Variants in FRMPD1 observed in about 807,000 individuals in gnomAD.
The protein encoded by FRMPD1 is FERM and PDZ domain containing 1.
A neutral mutation model predicts 117.8 loss-of-function variants in FRMPD1; 76 were observed. That is an observed-to-expected ratio of 0.65 (90% CI 0.54 to 0.78). FRMPD1 has a LOEUF of 0.78. Among genes scored for constraint, FRMPD1 ranks in the 30% least tolerant of loss-of-function variants. The pLI, the probability that FRMPD1 is intolerant of heterozygous loss-of-function variation, is 0.00. For missense variants in FRMPD1, 1,786 were observed against 1,964.5 expected (o/e 0.91, Z 1.72); for synonymous variants, 783 against 770.4 (o/e 1.02, Z -0.27).
intron 6 of FRMPD1, among the ~76,000 whole-genome samples, chr9:37,721,746 A>G (rs183390088): frequency 1.1e-3 from 160 of 152,324 alleles, no homozygotes; most frequent in Non-Finnish European, 1.5e-3. Context: ...AACATGCTCA[A>G]TTGTCTAGGG....
intron 1 of FRMPD1, among the ~76,000 whole-genome samples, chr9:37,660,827 G>A (rs1316473437): frequency 2.6e-5 from 4 of 152,154 alleles, no homozygotes; most frequent in African/African-American, 9.7e-5. Context: ...GAGCCTTGCT[G>A]CTCATTCAGT....
At chr9:37,706,035 C>T (rs1433535568) in intron 2 of FRMPD1, among the ~76,000 whole-genome samples, 2 of 151,704 alleles carry the variant, frequency 1.3e-5, no homozygotes, top group Admixed American at 6.6e-5. Flanking sequence ...GAGCTATGGG[C>T]TTTATTTAGT....
At chr9:37,674,685 G>T (rs1258661501) in intron 1 of FRMPD1, among the ~76,000 whole-genome samples, 6 of 152,194 alleles carry the variant, frequency 3.9e-5, no homozygotes, top group Non-Finnish European at 7.3e-5. Context: ...GGAGGCGAAA[G>T]GCACTTCTTA....
the FRMPD1 span, among the ~76,000 whole-genome samples, chr9:37,607,262 G>T: frequency 3.9e-5 from 6 of 152,108 alleles, no homozygotes; most frequent in African/African-American, 1.4e-4. Context: ...GTTGCAGGGA[G>T]CCAGGATCAC....
intron 8 of FRMPD1, 82 bp downstream of exon 8, chr9:37,729,935 C>T: frequency 7.1e-7 from 1 of 1,411,460 alleles, no homozygotes; most frequent in Non-Finnish European, 9.7e-7. Flanking sequence ...GGGGACAGGG[C>T]TCAGCACATC....
chr9:37,616,306 G>T, the FRMPD1 span, among the ~76,000 whole-genome samples: 11 of 151,222 alleles, frequency 7.3e-5, no homozygotes, highest in South Asian at 2.3e-3. Flanking sequence ...TAGTAAAGAC[G>T]GGGTTTCACC....
At chr9:37,733,893 T>A in intron 12 of FRMPD1, 68 bp downstream of exon 12, 1 of 907,786 alleles carries the variant, frequency 1.1e-6, no homozygotes, top group Non-Finnish European at 1.8e-6. Flanking sequence ...AAAATCAATG[T>A]GTCTTTTAGC....
At chr9:37,620,733 A>G in the FRMPD1 span, among the ~76,000 whole-genome samples, 22 of 152,202 alleles carry the variant, frequency 1.4e-4, no homozygotes, top group Non-Finnish European at 3.2e-4. Context: ...TTTTTAAGCA[A>G]TAATGAAATA....
chr9:37,687,545 C>G (rs901280777), intron 1 of FRMPD1, among the ~76,000 whole-genome samples: 26 of 152,176 alleles, frequency 1.7e-4, no homozygotes, highest in African/African-American at 6.3e-4. Flanking sequence ...AAACAATATC[C>G]CATGGCTTTT....
the FRMPD1 span, among the ~76,000 whole-genome samples, chr9:37,629,001 C>T: frequency 6.6e-6 from 1 of 152,320 alleles, no homozygotes; most frequent in South Asian, 2.1e-4. Flanking sequence ...GAGTTCAAGA[C>T]CAGCCTGGCC....
chr9:37,660,077 C>A (rs1425342848), intron 1 of FRMPD1, among the ~76,000 whole-genome samples: 6 of 151,984 alleles, frequency 3.9e-5, no homozygotes, highest in Admixed American at 2.0e-4. Flanking sequence ...CCCAGGATTC[C>A]TGTCCGACGG....
chr9:37,681,613 A>C (rs1821733551), intron 1 of FRMPD1, among the ~76,000 whole-genome samples: 1 of 152,240 alleles, frequency 6.6e-6, no homozygotes, highest in African/African-American at 2.4e-5. Flanking sequence ...TGGAAATGTA[A>C]TGTGAACTTC....
intron 1 of FRMPD1, among the ~76,000 whole-genome samples, chr9:37,674,221 C>T (rs145437006): frequency 4.6e-5 from 7 of 152,324 alleles, no homozygotes; most frequent in African/African-American, 1.7e-4. Flanking sequence ...TAGATCATCC[C>T]TCTCAAGTTC....
chr9:37,744,501 C>A lies in FRMPD1; in HGVS notation c.2469C>A (p.Ser823Arg), dbSNP rs141303232. The A allele has an allele frequency of 9.6e-5, 155 of 1,614,032 alleles. No homozygotes were observed. The Admixed American group carries it at 1.1e-3, about 11-fold the overall frequency. ...GTGGGCCAGATGGAAGACAGCCAAG[C>A]AGGAGGGGAGGGGTGAAGAAATATG... ...LPCGPDGRQP[S>R]RRGGVKKYAK... The change falls in exon 16 of 16, where the codon AGC becomes AGA. Residue 823 changes from serine to arginine, a missense_variant. By Grantham distance (110) the Ser-to-Arg change is moderately radical. Transcript: ENST00000377765.
At position 37,729,856 on chromosome 9, in the gene FRMPD1, A is replaced by G. The variant is rs200933804; in HGVS notation, c.738+3A>G. ...ACGAAGAGGAACTCATCCAGCAGGTAGGGAGGACTGACCGCCTGTTCCTGG... is the reference window on the plus strand; with the variant it reads ...ACGAAGAGGAACTCATCCAGCAGGTGGGGAGGACTGACCGCCTGTTCCTGG... On this transcript the variant is annotated splice_donor_region_variant and intron_variant, in intron 8 of 15. Coordinates refer to ENST00000377765, the MANE Select transcript of FRMPD1 (RefSeq NM_014907.3). The G allele has an allele frequency of 2.1e-3, 3,412 of 1,612,908 alleles. 9 individuals are homozygous for G. The highest frequency in any genetic ancestry group is 2.4e-3 in the Non-Finnish European group (2,887 of 1,179,496).
intron 2 of FRMPD1, among the ~76,000 whole-genome samples, chr9:37,698,625 G>A (rs1470732778): frequency 1.5e-5 from 2 of 135,484 alleles, no homozygotes; most frequent in African/African-American, 2.8e-5. Flanking sequence ...GCAGTGGTGC[G>A]ATCTTGGCTT....
At chr9:37,725,090 G>T (rs1011715488) in intron 7 of FRMPD1, among the ~76,000 whole-genome samples, 3 of 152,200 alleles carry the variant, frequency 2.0e-5, no homozygotes, top group Non-Finnish European at 2.9e-5. Context: ...CAGAAAAATG[G>T]CAATTGCCCA....
intron 1 of FRMPD1, among the ~76,000 whole-genome samples, chr9:37,660,280 G>A (rs1034790006): frequency 2.6e-5 from 4 of 152,150 alleles, no homozygotes; most frequent in Non-Finnish European, 4.4e-5. Flanking sequence ...TGGGAGCCTA[G>A]CAAGGGCTGG....
Position 37,740,543 on chromosome 9 carries a change from CAG to C in FRMPD1, c.2018_2019del (p.Glu673ValfsTer27). 6.2e-7 allele frequency: 1 copy of C among 1,614,254 alleles called. No homozygotes were observed. Among genetic ancestry groups the C allele is most frequent in the Non-Finnish European group, 8.5e-7 (1 of 1,180,046 alleles). ...AGAGCCAACCCCCAGTGCCAGAAGA[CAG>C]AGTTTTCCGAGAGTGCTGCTTTGGA... On this transcript the variant is annotated frameshift_variant, in exon 15 of 16. Coordinates refer to ENST00000377765, the MANE Select transcript of FRMPD1 (RefSeq NM_014907.3). LOFTEE classifies it high-confidence loss of function. This position sits in a 1 kb window ranked among gnomAD's most constrained non-coding sequence, Gnocchi z 4.2.
Sources: allele counts gnomAD v4.1 joint callset (sites outside exome capture counted in the v4.1 genomes callset), GRCh38; gene constraint gnomAD v4.1.1; non-coding constraint Gnocchi (gnomAD v3.1); transcripts MANE v1.5; gene names NCBI Gene and HGNC (gene_info 2026-07-23, HGNC 2026-07-21).